DVL1: variants seen among roughly 807,000 people sequenced by gnomAD.
DVL1 encodes the protein dishevelled segment polarity protein 1.
A neutral mutation model predicts 65.0 loss-of-function variants in DVL1; 49 were observed. The observed-to-expected ratio is 0.75, with a 90% CI of 0.60 to 0.96. The LOEUF is 0.96. Among genes scored for constraint, DVL1 ranks in the 40% least tolerant of loss-of-function variants. The probability of loss-of-function intolerance (pLI) is 0.00; values close to 1 mark genes in which losing one functional copy is unlikely to be tolerated. For missense variants in DVL1, 1,197 were observed against 1,045.4 expected (o/e 1.15, Z -2.00); for synonymous variants, 608 against 433.9 (o/e 1.40, Z -4.99).
In DVL1 at chr1:1,338,385, C is replaced by A. The variant is rs1232376736; in HGVS notation, c.1391G>T (p.Arg464Leu). 3.1e-6 allele frequency: 5 copies of A among 1,612,590 alleles called. No individual in the cohort carries two copies. Among genetic ancestry groups the A allele is most frequent in the Non-Finnish European group, 4.2e-6 (5 of 1,179,896 alleles). The part of the protein sequence containing the change: ...LYTHVEGFKE[R>L]REARKYASSL... ...GCTGGCGTACTTCCGGGCCTCCCGC[C>A]GCTCCTTGAAGCCCTCCACGTGTGT... Residue 464 changes from arginine (R) to leucine (L), a missense_variant, in exon 13 of 15, where the codon CGG becomes CTG. Transcript: ENST00000378888.
intron 1 of DVL1, among the ~76,000 whole-genome samples, chr1:1,347,079 G>A (rs928711136): frequency 1.2e-4 from 18 of 152,258 alleles, no homozygotes; most frequent in Admixed American, 9.2e-4. Flanking sequence ...GGACCAGGGA[G>A]GACACAGAGC....
At position 1,340,453 on chromosome 1, in the gene DVL1, T is replaced by G. The variant is rs773072891; in HGVS notation, c.656A>C (p.His219Pro). The change falls in exon 6 of 15, where the codon CAC becomes CCC. Residue 219 changes from histidine to proline, a missense_variant. By Grantham distance (77) the His-to-Pro change is moderately conservative (BLOSUM62 -2). Coordinates refer to ENST00000378888, the MANE Select transcript of DVL1 (RefSeq NM_001330311.2). ...GCGCTGCTTCCTCCGCCGGCGTTTGTGCTTCCGGATGAGTCTGGATGAGGT... is the reference window on the plus strand; with the variant it reads ...GCGCTGCTTCCTCCGCCGGCGTTTGGGCTTCCGGATGAGTCTGGATGAGGT... ...QSTSSRLIRKHKRRRRKQRLR... is the reference protein window; with the variant it reads ...QSTSSRLIRKPKRRRRKQRLR... The G allele has an allele frequency of 2.5e-6, 4 of 1,611,742 alleles. No individual in the cohort carries two copies. The highest frequency in any genetic ancestry group is 2.2e-5 in the South Asian group (2 of 90,700).
rs1643675765 is a variant in DVL1, at chr1:1,338,643, C to A, written c.1218G>T (p.Glu406Asp). 1.2e-6 allele frequency: 2 copies of A among 1,609,874 alleles called. No homozygotes were observed. Among genetic ancestry groups the A allele is most frequent in the African/African-American group, 2.7e-5 (2 of 75,046 alleles). ...SSVPGAPQLE[E>D]APLTVKSDMS... Reference sequence around the variant, plus strand: ...TGTCACTCTTCACCGTCAGCGGCGCCTCTTCCAGCTCTGCAAAGCACAGAC... The same window carrying A: ...TGTCACTCTTCACCGTCAGCGGCGCATCTTCCAGCTCTGCAAAGCACAGAC... Residue 406 changes from glutamate to aspartate, a missense_variant, in exon 12 of 15, where the codon GAG becomes GAT. Glu to Asp is a conservative substitution (Grantham distance 45). Transcript: ENST00000378888.
chr1:1,336,590 C>T, intron 14 of DVL1, 75 bp from the exon 15 acceptor site: 1 of 1,459,430 alleles, frequency 6.9e-7, no homozygotes, highest in Non-Finnish European at 9.0e-7. Context: ...CCGCCCCCGC[C>T]AGGTGACCGG....
At chr1:1,343,002 T>C (rs1643871956) in intron 1 of DVL1, among the ~76,000 whole-genome samples, 1 of 151,572 alleles carries the variant, frequency 6.6e-6, no homozygotes, top group African/African-American at 2.4e-5. Flanking sequence ...TCGGGAACCG[T>C]CCTTCCTCTC....
At position 1,338,420 on chromosome 1, in the gene DVL1, G is replaced by A. The variant is rs375510995; in HGVS notation, c.1356C>T (p.Asp452=). The part of the protein sequence containing the change: ...ANAVIGADVV[D]WLYTHVEGFK... The stretch of plus-strand genomic sequence containing the variant: ...AGCCCTCCACGTGTGTGTACAGCCA[G>A]TCCACCACGTCCGCCCCTGGCCGGC... Residue 452 remains aspartate, a synonymous_variant, in exon 13 of 15, where the codon GAC becomes GAT. Transcript: ENST00000378888. 1 of 1,611,310 alleles carries A rather than the reference G, an allele frequency of 6.2e-7. No homozygotes were observed. The highest frequency in any genetic ancestry group is 1.1e-5 in the South Asian group (1 of 91,020).
At chr1:1,337,198 G>A (rs892183008) in intron 14 of DVL1, 1 of 580,142 alleles carries the variant, frequency 1.7e-6, no homozygotes, top group Admixed American at 5.8e-5. Flanking sequence ...AGGGTCAGTA[G>A]ACACCCAGCG....
At chr1:1,336,885 C>G (rs569858898) in intron 14 of DVL1, 2 of 632,134 alleles carry the variant, frequency 3.2e-6, no homozygotes, top group African/African-American at 4.0e-5. Flanking sequence ...GCCCCACTGT[C>G]CCCCCGGCCC....
At chr1:1,336,574 G>A in intron 14 of DVL1, 59 bp from the exon 15 acceptor site, 1 of 1,470,174 alleles carries the variant, frequency 6.8e-7, no homozygotes, top group African/African-American at 1.5e-5. Context: ...GCCACGTCCA[G>A]AACAACCGCC....
intron 3 of DVL1, 79 bp from the exon 4 acceptor site, chr1:1,342,235 C>T: frequency 6.7e-7 from 1 of 1,502,462 alleles, no homozygotes; most frequent in East Asian, 2.5e-5. Flanking sequence ...CTCCCCTCGC[C>T]TGTGGGACCC....
At chr1:1,338,783 G>T (rs926229479) in intron 11 of DVL1, 130 bp from the exon 12 acceptor site, 8 of 1,403,774 alleles carry the variant, frequency 5.7e-6, no homozygotes, top group Middle Eastern at 2.6e-4. Flanking sequence ...GTGACAGCAG[G>T]GCCCCGGCCC....
At chr1:1,342,249 C>A in intron 3 of DVL1, 93 bp from the exon 4 acceptor site, 1 of 1,497,238 alleles carries the variant, frequency 6.7e-7, no homozygotes, top group Non-Finnish European at 8.9e-7. Context: ...GGGACCCCAG[C>A]CCCAGCAGGT....
intron 14 of DVL1, among the ~76,000 whole-genome samples, chr1:1,337,232 C>T (rs1643608790): frequency 6.6e-6 from 1 of 152,140 alleles, no homozygotes; most frequent in African/African-American, 2.4e-5. Context: ...GTCCCACACC[C>T]TCTGGCCGCC....
rs567839626 is a variant in DVL1, at chr1:1,338,128, C to T, written c.1563G>A (p.Thr521=). The change falls in exon 14 of 15, where the codon ACG becomes ACA. Residue 521 remains threonine, a synonymous_variant. Coordinates refer to ENST00000378888, the MANE Select transcript of DVL1 (RefSeq NM_001330311.2). ...CAGCCGGGTGGGGCAGCGGGGCCAG[C>T]GTGTCCTGATCCGAAGTCCCACTGG... is the stretch of plus-strand genomic sequence containing the variant. ...SGSSGTSDQD[T]LAPLPHPAAP... 31 of 1,609,056 alleles carry T rather than the reference C, an allele frequency of 1.9e-5. No individual in the cohort carries two copies. The highest frequency in any genetic ancestry group is 5.5e-5 in the South Asian group (5 of 90,734).
In DVL1 at chr1:1,341,621, G is replaced by C. The variant is rs374630299; in HGVS notation, c.605+46C>G. On this transcript the variant is annotated intron_variant, in intron 5 of 14. Transcript: ENST00000378888. ...ACATGCACATCATGTACAGACATTTGCAAGTGGGCACACAGGCATACACGC... is the reference window on the plus strand; with the variant it reads ...ACATGCACATCATGTACAGACATTTCCAAGTGGGCACACAGGCATACACGC... 5.1e-6 allele frequency: 8 copies of C among 1,561,860 alleles called. No individual in the cohort carries two copies. The African/African-American group carries it at 9.5e-5, about 18-fold the overall frequency.
At chr1:1,345,911 C>G (rs1342796160) in intron 1 of DVL1, among the ~76,000 whole-genome samples, 1 of 152,172 alleles carries the variant, frequency 6.6e-6, no homozygotes, top group African/African-American at 2.4e-5. Flanking sequence ...GACCCCAGAG[C>G]CAGGGGCTCT....
chr1:1,338,347 G>A lies in DVL1; in HGVS notation c.1429C>T (p.His477Tyr). The change falls in exon 13 of 15, where the codon CAC becomes TAC. Residue 477 changes from histidine to tyrosine, a missense_variant. Coordinates refer to ENST00000378888, the MANE Select transcript of DVL1 (RefSeq NM_001330311.2). ...ARKYASSLLK[H>Y]GFLRHTVNKI... is the part of the protein sequence containing the mutation. ...TTGACCGTGTGCCGCAGGAAGCCGTGCTTCAGCAAGCTGCTGGCGTACTTC... is the reference window on the plus strand; with the variant it reads ...TTGACCGTGTGCCGCAGGAAGCCGTACTTCAGCAAGCTGCTGGCGTACTTC... 1.9e-6 allele frequency: 3 copies of A among 1,612,630 alleles called. No individual in the cohort carries two copies. Among genetic ancestry groups the A allele is most frequent in the Non-Finnish European group, 2.5e-6 (3 of 1,179,868 alleles).
intron 1 of DVL1, among the ~76,000 whole-genome samples, chr1:1,348,315 G>C (rs1487448444): frequency 6.6e-6 from 1 of 152,212 alleles, no homozygotes; most frequent in African/African-American, 2.4e-5. Context: ...GTGCTTTGTG[G>C]CTCAGTGGGG....
At chr1:1,338,229 T>TGGCCCCCCCCCCCCCCCCCCACC in intron 13 of DVL1, 40 bp downstream of exon 13, 2 of 1,522,372 alleles carry the variant, frequency 1.3e-6, no homozygotes, top group Non-Finnish European at 1.8e-6. Context: ...CCTCCGGCGT[T>TGGCCCCCCCCCCCCCCCCCCACC]CCCCTCCCCC....
Sources: gnomAD v4.1 joint callset for allele counts (sites outside exome capture counted in the v4.1 genomes callset) on GRCh38, gnomAD v4.1.1 for gene constraint, MANE v1.5 for transcripts, NCBI Gene and HGNC (gene_info 2026-07-23, HGNC 2026-07-21) for gene names.